ALPK1: variants seen among roughly 807,000 people sequenced by gnomAD.
The protein encoded by ALPK1 is alpha-protein kinase 1.
A neutral mutation model predicts 120.6 loss-of-function variants in ALPK1; 110 were observed. That is an observed-to-expected ratio of 0.91 (90% CI 0.78 to 1.07). The LOEUF is 1.07. Among genes scored for constraint, ALPK1 ranks in the 50% least tolerant of loss-of-function variants. The pLI is 0.00. For synonymous variants in ALPK1, 582 were observed against 560.3 expected (o/e 1.04, Z -0.55); for missense variants, 1,498 against 1,483.9 (o/e 1.01, Z -0.16).
chr4:112,388,457 T>C (rs1732249050), intron 4 of ALPK1, among the ~76,000 whole-genome samples: 1 of 152,336 alleles, frequency 6.6e-6, no homozygotes, highest in East Asian at 1.9e-4. Context: ...GATTAAAAGA[T>C]GTCCTTAAAA....
At chr4:112,429,102 C>T (rs757326388) in intron 9 of ALPK1, 47 bp from the exon 10 acceptor site, 12 of 1,522,888 alleles carry the variant, frequency 7.9e-6, no homozygotes, top group East Asian at 4.5e-5. Context: ...TTTTGCTCAT[C>T]GATAATTAAT....
chr4:112,369,363 T>G (rs1008810674), intron 2 of ALPK1, among the ~76,000 whole-genome samples: 8 of 152,218 alleles, frequency 5.3e-5, no homozygotes, highest in Non-Finnish European at 7.3e-5. Flanking sequence ...AATATGGTGA[T>G]AGTTTATGTC....
rs1181453351 is a variant in ALPK1, at chr4:112,358,700, G to A, written c.-100-18978G>A. On this transcript the variant is annotated intron_variant, in intron 2 of 15. Coordinates refer to ENST00000650871, the MANE Select transcript of ALPK1 (RefSeq NM_025144.4). The stretch of plus-strand genomic sequence containing the variant: ...CATCTAAGAGGCTGGCAGAGGAGCC[G>A]CAAGGAAGGAGGAAGAAGATCCAGC... 2.1e-5 allele frequency: 16 copies of A among 752,456 alleles called. 1 individual carries two copies. Among genetic ancestry groups the A allele is most frequent in the Middle Eastern group, 2.6e-4 (1 of 3,842 alleles). 46.6% of individuals were successfully genotyped at this position (752,456 alleles called of 1,614,324 possible).
chr4:112,382,949 C>T (rs944778458), intron 4 of ALPK1: 1 of 216,614 alleles, frequency 4.6e-6, no homozygotes, highest in South Asian at 7.0e-5. Context: ...GTGTGACTTG[C>T]TGTCTAAGCT....
intron 2 of ALPK1, among the ~76,000 whole-genome samples, chr4:112,360,948 G>T (rs1353350163): frequency 6.6e-6 from 1 of 152,078 alleles, no homozygotes; most frequent in Admixed American, 6.5e-5. Context: ...ATATTTATTT[G>T]TTATTTATCC....
intron 2 of ALPK1, among the ~76,000 whole-genome samples, chr4:112,375,248 C>T (rs1372535105): frequency 6.7e-6 from 1 of 149,548 alleles, no homozygotes; most frequent in Non-Finnish European, 1.5e-5. Context: ...GGTGCAGTCA[C>T]AGCTCACTCC....
chr4:112,358,409 G>C (rs1730748739), intron 2 of ALPK1: 7 of 635,906 alleles, frequency 1.1e-5, no homozygotes, highest in South Asian at 8.8e-5. Context: ...AGAAGATGCT[G>C]TCAGGGTGAC....
intron 13 of ALPK1, 132 bp from the exon 14 acceptor site, chr4:112,439,554 A>T: frequency 1.5e-6 from 1 of 651,868 alleles, no homozygotes; most frequent in Admixed American, 3.4e-5. Flanking sequence ...AATTATACCT[A>T]CTTTACCCAT....
chr4:112,425,879 C>G, intron 7 of ALPK1, 128 bp downstream of exon 7: 1 of 649,644 alleles, frequency 1.5e-6, no homozygotes, highest in Admixed American at 2.9e-5. Flanking sequence ...GTTTCCTCAT[C>G]GAAAAGAGAA....
At chr4:112,369,090 A>T (rs1176863370) in intron 2 of ALPK1, among the ~76,000 whole-genome samples, 1 of 152,078 alleles carries the variant, frequency 6.6e-6, no homozygotes, top group Non-Finnish European at 1.5e-5. Context: ...TATTTTAGAG[A>T]TTTAAAATGT....
chr4:112,365,170 G>C (rs1731086353), intron 2 of ALPK1, among the ~76,000 whole-genome samples: 1 of 152,090 alleles, frequency 6.6e-6, no homozygotes, highest in Non-Finnish European at 1.5e-5. Context: ...ACTTTCACCA[G>C]TTCTATTCAA....
At chr4:112,331,386 AC>A (rs1440845253) in intron 2 of ALPK1, among the ~76,000 whole-genome samples, 1 of 152,074 alleles carries the variant, frequency 6.6e-6, no homozygotes, top group African/African-American at 2.4e-5. Context: ...GTGTATCTCT[AC>A]CCTAAACCTC....
chr4:112,359,120 TG>T, intron 2 of ALPK1: 4 of 707,884 alleles, frequency 5.7e-6, no homozygotes, highest in Non-Finnish European at 1.1e-5. Context: ...TGTCCAAGGC[TG>T]TGGCCCAGCA....
rs231247 is a variant in ALPK1 at position 112,438,547 on chromosome 4, A to G, written c.3252A>G (p.Arg1084=). Residue 1084 remains arginine, a synonymous_variant, in exon 13 of 16, where the codon CGA becomes CGG. Coordinates refer to ENST00000650871, the MANE Select transcript of ALPK1 (RefSeq NM_025144.4). ...GLWHHFTDVE[R]QMTAQHYVTE... ...GGCACCACTTCACTGATGTGGAGCG[A>G]CAGATGACCGCACAGCACTATGTGA... 0.66 allele frequency: 1,060,740 copies of G among 1,613,226 alleles called. 350,441 individuals are homozygous for G. The highest frequency in any genetic ancestry group is 0.74 in the African/African-American group (55,079 of 74,908).
At chr4:112,428,784 T>C (rs1734389077) in intron 9 of ALPK1, among the ~76,000 whole-genome samples, 1 of 152,222 alleles carries the variant, frequency 6.6e-6, no homozygotes, top group Admixed American at 6.5e-5. Context: ...TATACGTATT[T>C]ACAGAATTAA....
intron 5 of ALPK1, among the ~76,000 whole-genome samples, chr4:112,420,220 T>C (rs1560679911): frequency 6.6e-6 from 1 of 152,208 alleles, no homozygotes; most frequent in African/African-American, 2.4e-5. Context: ...AAATATACAA[T>C]GTGTCTTATG....
intron 2 of ALPK1, among the ~76,000 whole-genome samples, chr4:112,354,957 C>T (rs1316997919): frequency 6.6e-6 from 1 of 152,138 alleles, no homozygotes; most frequent in East Asian, 1.9e-4. Flanking sequence ...CACAAAGACA[C>T]ACAGACACAA....
intron 1 of ALPK1, among the ~76,000 whole-genome samples, chr4:112,298,391 A>G (rs1342107671): frequency 6.6e-6 from 1 of 152,084 alleles, no homozygotes; most frequent in Non-Finnish European, 1.5e-5. Context: ...CTCTAGAACC[A>G]ATGTCAAGTC....
rs368775028 is a variant in ALPK1 at position 112,365,995 on chromosome 4, G to A, written c.-100-11683G>A. ...TCAACAAATGGTGCTGGGATAATTG[G>A]CAAGCCATATGTAGAAGAATAGAAC... On this transcript the variant is annotated intron_variant, in intron 2 of 15. Transcript: ENST00000650871. 7.4e-4 allele frequency among the ~76,000 whole-genome samples: 113 copies of A among 152,194 alleles called. 1 individual carries two copies. The highest frequency in any genetic ancestry group is 2.5e-3 in the African/African-American group (104 of 41,538).
Sources: allele counts gnomAD v4.1 joint callset (sites outside exome capture counted in the v4.1 genomes callset), GRCh38; gene constraint gnomAD v4.1.1; transcripts MANE v1.5; gene names NCBI Gene and HGNC (gene_info 2026-07-23, HGNC 2026-07-21).